Variants in TK2 observed in about 807,000 individuals in gnomAD.
The protein encoded by TK2 is thymidine kinase 2.
In TK2, 35 loss-of-function variants were observed where a neutral mutation model predicts 41.9. The observed-to-expected ratio is 0.84, with a 90% CI of 0.64 to 1.11. TK2 has a LOEUF of 1.11. TK2 is among the 50% of genes least tolerant of loss of function. TK2 has a pLI of 0.00. For synonymous variants in TK2, 128 were observed against 129.1 expected (o/e 0.99, Z 0.06); for missense variants, 320 against 351.1 (o/e 0.91, Z 0.71).
At chr16:66,545,819 A>G (rs1048351003) in intron 2 of TK2, among the ~76,000 whole-genome samples, 2 of 151,654 alleles carry the variant, frequency 1.3e-5, no homozygotes, top group African/African-American at 4.8e-5. Context: ...GAGAAACTCC[A>G]TCTCAAAAAA....
Position 66,509,073 on chromosome 16 carries a change from C to A in TK2, c.*2895G>T, listed in dbSNP as rs1349003373. 3 of 152,480 alleles carry A rather than the reference C, an allele frequency of 2.0e-5. No homozygotes were observed. Among genetic ancestry groups the A allele is most frequent in the Admixed American group, 2.0e-4 (3 of 15,284 alleles). The allele number at this position is 152,480 out of a possible 1,614,324, so 9.4% of individuals were successfully genotyped here. On this transcript the variant is annotated 3_prime_UTR_variant, in exon 10 of 10. Coordinates refer to ENST00000544898, the MANE Select transcript of TK2 (RefSeq NM_004614.5). ...TGACCCGGTCTATGGGTGGGCACTG[C>A]CCTCTTGCCTTTCCCCCCACCTCCC... is the stretch of plus-strand genomic sequence containing the variant.
At chr16:66,529,571 C>A (rs962048929) in intron 5 of TK2, among the ~76,000 whole-genome samples, 1 of 152,186 alleles carries the variant, frequency 6.6e-6, no homozygotes, top group Admixed American at 6.5e-5. Flanking sequence ...AAGAACGATG[C>A]CCAAGAGGGA....
chr16:66,521,842 T>C (rs3826160), intron 6 of TK2, among the ~76,000 whole-genome samples: 10,176 of 152,304 alleles, frequency 0.067, 469 homozygotes, highest in South Asian at 0.18. Flanking sequence ...GGTCTCACCC[T>C]TGCCCTGACC....
Position 66,517,352 on chromosome 16 carries a change from T to A in TK2, c.539-137A>T. 3.8e-6 allele frequency: 3 copies of A among 798,964 alleles called. No homozygotes were observed. The highest frequency in any genetic ancestry group is 6.7e-6 in the Non-Finnish European group (3 of 448,012). 49.5% of individuals were successfully genotyped at this position (798,964 alleles called of 1,614,324 possible). A position where few individuals can be genotyped will look rare whatever the true frequency, so the allele number is the denominator to read the frequency against. On this transcript the variant is annotated intron_variant, in intron 7 of 9. Coordinates refer to ENST00000544898, the MANE Select transcript of TK2 (RefSeq NM_004614.5). The surrounding 1 kb of genome is among the most constrained non-coding windows in gnomAD (Gnocchi z 4.3). Reference sequence around the variant, plus strand: ...GAGGGCCAGCTCTTGGCTTGACCACTGACCCTCCGCCTCGACTTTCATTCT... The same window carrying A: ...GAGGGCCAGCTCTTGGCTTGACCACAGACCCTCCGCCTCGACTTTCATTCT...
At chr16:66,537,467 A>G (rs2144438091) in intron 3 of TK2, among the ~76,000 whole-genome samples, 1 of 152,336 alleles carries the variant, frequency 6.6e-6, no homozygotes, top group South Asian at 2.1e-4. Context: ...CCTGCCTCTG[A>G]TCACTGCACT....
chr16:66,533,335 CA>C (rs57612451), intron 4 of TK2, among the ~76,000 whole-genome samples: 9,890 of 45,110 alleles, frequency 0.22, 243 homozygotes, highest in African/African-American at 0.36. Context: ...GACTCCATCT[CA>C]AAAAAAAAAA....
chr16:66,522,848 C>T (rs1202748835), intron 6 of TK2, among the ~76,000 whole-genome samples: 1 of 152,076 alleles, frequency 6.6e-6, no homozygotes, highest in Non-Finnish European at 1.5e-5. Flanking sequence ...TGGGCAATAA[C>T]AGCAAAACTC....
chr16:66,548,832 G>A (rs1965687883), intron 2 of TK2, 146 bp downstream of exon 2: 6 of 772,358 alleles, frequency 7.8e-6, no homozygotes, highest in Non-Finnish European at 9.0e-6. Flanking sequence ...CTTCTAGGAG[G>A]GTGACAGACT....
At chr16:66,549,297 G>T in intron 1 of TK2, 1 of 1,221,878 alleles carries the variant, frequency 8.2e-7, no homozygotes, top group East Asian at 4.1e-5. Flanking sequence ...TCACAGACTG[G>T]ATGTTAAGCA....
intron 4 of TK2, among the ~76,000 whole-genome samples, chr16:66,533,083 T>TC (rs1782070212): frequency 6.6e-6 from 1 of 151,272 alleles, no homozygotes; most frequent in Non-Finnish European, 1.5e-5. Flanking sequence ...ATCTTTTTTT[T>TC]TTTTTAAACA....
At chr16:66,542,067 CT>C in intron 2 of TK2, 114 bp from the exon 3 acceptor site, 1 of 1,168,554 alleles carries the variant, frequency 8.6e-7, no homozygotes, top group East Asian at 2.4e-5. Flanking sequence ...CAGTCCAAGA[CT>C]TTCACATGTA....
rs1005588415 is a variant in TK2 at position 66,514,330 on chromosome 16, G to A, written c.619-519C>T. 3.9e-5 allele frequency among the ~76,000 whole-genome samples: 6 copies of A among 152,192 alleles called. No homozygotes were observed. The highest frequency in any genetic ancestry group is 8.8e-5 in the Non-Finnish European group (6 of 68,020). On this transcript the variant is annotated intron_variant, in intron 8 of 9. Transcript: ENST00000544898. The surrounding 1 kb of genome is among the most constrained non-coding windows in gnomAD (Gnocchi z 4.2). ...GAGACGGGGTTTCGCTGTGTTGGCC[G>A]GGCTGGTCTCCAGCTCCTAACCGCG...
rs1964560187 is a variant in TK2, at chr16:66,514,755, A to C, written c.619-944T>G. 1.3e-5 allele frequency among the ~76,000 whole-genome samples: 2 copies of C among 152,180 alleles called. No individual in the cohort carries two copies. The highest frequency in any genetic ancestry group is 1.3e-4 in the Admixed American group (2 of 15,284). On this transcript the variant is annotated intron_variant, in intron 8 of 9. Transcript: ENST00000544898. The surrounding 1 kb of genome is among the most constrained non-coding windows in gnomAD (Gnocchi z 4.2). ...AGGGGGAAATGTGGGGAAAAGAAAGATCAGATTGTTACTGTGTCTGTGTAG... is the reference window on the plus strand; with the variant it reads ...AGGGGGAAATGTGGGGAAAAGAAAGCTCAGATTGTTACTGTGTCTGTGTAG...
intron 6 of TK2, among the ~76,000 whole-genome samples, chr16:66,527,129 C>T (rs1282223203): frequency 1.3e-5 from 2 of 152,216 alleles, no homozygotes; most frequent in Non-Finnish European, 2.9e-5. Context: ...GCAGTGGACA[C>T]CTGGAAACCC....
At position 66,508,758 on chromosome 16, in the gene TK2, T is replaced by C. The variant is rs1268435146; in HGVS notation, c.*3210A>G. On this transcript the variant is annotated 3_prime_UTR_variant, in exon 10 of 10. Coordinates refer to ENST00000544898, the MANE Select transcript of TK2 (RefSeq NM_004614.5). ...CCCAGGCGGGGGGACACTTCTCATC[T>C]AGGTAAAGGGCTCCTACGGAAATGA... The C allele has an allele frequency of 6.6e-6, 1 of 152,250 alleles. No homozygotes were observed. The highest frequency in any genetic ancestry group is 1.5e-5 in the Non-Finnish European group (1 of 68,066). 9.4% of individuals were successfully genotyped at this position (152,250 alleles called of 1,614,324 possible).
intron 2 of TK2, among the ~76,000 whole-genome samples, chr16:66,544,353 A>T (rs1241079076): frequency 2.0e-5 from 3 of 152,236 alleles, no homozygotes; most frequent in African/African-American, 7.2e-5. Flanking sequence ...ACAGAAAATC[A>T]AAAAGGAGAA....
rs1965690616 is a variant in TK2, at chr16:66,548,899, G to C, written c.156+79C>G. ...GCTTTTTACTATGGAATGTATTTTT[G>C]CTTTTTACTCTGCTTTTTTCTCTCT... On this transcript the variant is annotated intron_variant, in intron 2 of 9. Coordinates refer to ENST00000544898, the MANE Select transcript of TK2 (RefSeq NM_004614.5). 2.2e-6 allele frequency: 3 copies of C among 1,392,226 alleles called. No individual in the cohort carries two copies. The South Asian group carries it at 3.6e-5, about 17-fold the overall frequency. 86.2% of individuals were successfully genotyped at this position (1,392,226 alleles called of 1,614,324 possible). A position where few individuals can be genotyped will look rare whatever the true frequency, so the allele number is the denominator to read the frequency against.
chr16:66,532,147 A>C (rs1291705763), intron 4 of TK2, among the ~76,000 whole-genome samples: 1 of 148,844 alleles, frequency 6.7e-6, no homozygotes, highest in Non-Finnish European at 1.5e-5. Flanking sequence ...AAAAAAAAAA[A>C]CCTTAAAGAC....
intron 1 of TK2, chr16:66,549,582 T>A (rs1041658427): frequency 1.8e-6 from 2 of 1,087,856 alleles, no homozygotes; most frequent in African/African-American, 1.7e-5. Flanking sequence ...GGCACCAGAG[T>A]GTGAGCAGAA....
Sources: allele counts gnomAD v4.1 joint callset (sites outside exome capture counted in the v4.1 genomes callset), GRCh38; gene constraint gnomAD v4.1.1; non-coding constraint Gnocchi (gnomAD v3.1); transcripts MANE v1.5; gene names NCBI Gene and HGNC (gene_info 2026-07-23, HGNC 2026-07-21).